RNF216: variants seen among roughly 807,000 people sequenced by gnomAD.
RNF216 encodes ring finger protein 216, also known as E3 ubiquitin-protein ligase RNF216.
RNF216 carries 72 observed loss-of-function variants against 110.8 expected under a neutral mutation model. That is an observed-to-expected ratio of 0.65 (90% CI 0.54 to 0.79). The LOEUF is 0.79. Ranked by LOEUF, RNF216 falls within the 30% of genes least tolerant of loss-of-function variation. The pLI, the probability that RNF216 is intolerant of heterozygous loss-of-function variation, is 0.00. For missense variants in RNF216, 1,342 were observed against 1,141.2 expected, an observed-to-expected ratio of 1.18 and a Z score of -2.54; for synonymous variants, 495 against 407.5, an observed-to-expected ratio of 1.21 and a Z score of -2.59.
chr7:5,748,356 G>A (rs1307921053), intron 3 of RNF216, among the ~76,000 whole-genome samples: 1 of 152,144 alleles, frequency 6.6e-6, no homozygotes, highest in African/African-American at 2.4e-5. Context: ...CCTGAAGTCA[G>A]TAACTCATTA....
At chr7:5,646,043 G>C (rs1028020188) in intron 14 of RNF216, among the ~76,000 whole-genome samples, 2 of 152,184 alleles carry the variant, frequency 1.3e-5, no homozygotes, top group Non-Finnish European at 2.9e-5. Context: ...TGTCCTCAGA[G>C]ATGGTTTCTA....
In RNF216 at chr7:5,696,836, G is replaced by A. The variant is rs1393966767; in HGVS notation, c.2061+14925C>T. 2.0e-5 allele frequency among the ~76,000 whole-genome samples: 3 copies of A among 152,126 alleles called. No homozygotes were observed. The highest frequency in any genetic ancestry group is 4.4e-5 in the Non-Finnish European group (3 of 68,016). ...GTCCCCAGGTTACTAGAAATGACTT[G>A]CCATAGTGACTACATTGGCAAGGTG... On this transcript the variant is annotated intron_variant, in intron 13 of 16. Coordinates refer to ENST00000389902, the MANE Select transcript of RNF216 (RefSeq NM_207111.4). This position sits in a 1 kb window ranked among gnomAD's most constrained non-coding sequence, Gnocchi z 5.4.
chr7:5,699,348 G>A (rs1165100382), intron 13 of RNF216, among the ~76,000 whole-genome samples: 15 of 152,174 alleles, frequency 9.9e-5, no homozygotes, highest in Admixed American at 2.6e-4. Flanking sequence ...CCCTGGATTT[G>A]ACTCCTGATG....
chr7:5,657,503 G>T (rs1218462324), intron 13 of RNF216, among the ~76,000 whole-genome samples: 1 of 152,226 alleles, frequency 6.6e-6, no homozygotes. Context: ...GGAGGTAGTG[G>T]TTGCGGTGAG....
intron 13 of RNF216, among the ~76,000 whole-genome samples, chr7:5,667,952 G>C (rs1230425315): frequency 6.6e-6 from 1 of 152,224 alleles, no homozygotes; most frequent in Non-Finnish European, 1.5e-5. Context: ...AGAAGTGCTG[G>C]TTCCAGGGTA....
At chr7:5,652,300 ACTGGGGT>A in intron 14 of RNF216, 106 bp downstream of exon 14, 1 of 746,636 alleles carries the variant, frequency 1.3e-6, no homozygotes, top group Non-Finnish European at 2.4e-6. Context: ...ATCACTCCAG[ACTGGGGT>A]GGCTCAAGCG....
chr7:5,692,639 C>G (rs980491321), intron 13 of RNF216, among the ~76,000 whole-genome samples: 1 of 152,222 alleles, frequency 6.6e-6, no homozygotes, highest in Non-Finnish European at 1.5e-5. Flanking sequence ...CACCACAAAA[C>G]GCCATCCCTC....
At chr7:5,625,056 C>T (rs1197115375) in intron 15 of RNF216, among the ~76,000 whole-genome samples, 2 of 152,238 alleles carry the variant, frequency 1.3e-5, no homozygotes, top group South Asian at 2.1e-4. Flanking sequence ...TGAAAAAACC[C>T]GCCAAGTGGG....
Position 5,645,972 on chromosome 7 carries a change from C to T in RNF216, c.2160-4596G>A, listed in dbSNP as rs1278899776. ...CTTTAGTTCTTTGCCCATGGTTTCA[C>T]CTGGCTTTCTGAGCATATTTAAGAC... On this transcript the variant is annotated intron_variant, in intron 14 of 16. Transcript: ENST00000389902. Among the ~76,000 whole-genome samples the T allele has an allele frequency of 2.6e-5, 4 of 152,170 alleles. 1 individual carries two copies. In the South Asian group the frequency reaches 8.3e-4, roughly 32 times the overall value.
rs1562761042 is a variant in RNF216, at chr7:5,622,106, G to C, written c.*754C>G. 6.6e-6 allele frequency: 1 copy of C among 152,356 alleles called. No homozygotes were observed. The allele number at this position is 152,356 out of a possible 1,614,324, so 9.4% of individuals were successfully genotyped here. ...GCAGGGCCACCAGGCCTCTGTCCCA[G>C]CTGCCTTAAGAGGCTCTTTCAATGG... is the stretch of plus-strand genomic sequence containing the variant. On this transcript the variant is annotated 3_prime_UTR_variant, in exon 17 of 17. Coordinates refer to ENST00000389902, the MANE Select transcript of RNF216 (RefSeq NM_207111.4).
At chr7:5,655,511 CA>C (rs1788682643) in intron 13 of RNF216, among the ~76,000 whole-genome samples, 1 of 151,974 alleles carries the variant, frequency 6.6e-6, no homozygotes, top group Non-Finnish European at 1.5e-5. Context: ...GAGGCTGAGG[CA>C]GGAGAATTGC....
At position 5,663,586 on chromosome 7, in the gene RNF216, GAA is replaced by G. The variant is rs35905773; in HGVS notation, c.2062-11078_2062-11077del. On this transcript the variant is annotated intron_variant, in intron 13 of 16. Transcript: ENST00000389902. ...GCGACACAGCGAGACTCCACCTCAGGAAAAAAAAAAAAAAAAAAAAAAGTTCA... is the reference window on the plus strand; with the variant it reads ...GCGACACAGCGAGACTCCACCTCAGGAAAAAAAAAAAAAAAAAAAAGTTCA... 1.3e-3 allele frequency among the ~76,000 whole-genome samples: 107 copies of G among 80,100 alleles called. 1 individual carries two copies. The East Asian group carries it at 0.018, about 13-fold the overall frequency. 52.5% of individuals were successfully genotyped at this position (80,100 alleles called of 152,430 possible).
chr7:5,763,631 C>T (rs913968672), intron 1 of RNF216, among the ~76,000 whole-genome samples: 2 of 152,106 alleles, frequency 1.3e-5, no homozygotes, highest in African/African-American at 2.4e-5. Flanking sequence ...AGAGCAGCTA[C>T]ACGATCACGG....
At chr7:5,626,369 G>C (rs1297850853) in intron 15 of RNF216, among the ~76,000 whole-genome samples, 1 of 150,652 alleles carries the variant, frequency 6.6e-6, no homozygotes, top group Non-Finnish European at 1.5e-5. Context: ...GAGCTGGCAA[G>C]CCTCTTCATT....
chr7:5,741,853 C>T, intron 3 of RNF216, 38 bp from the exon 4 acceptor site: 1 of 1,555,566 alleles, frequency 6.4e-7, no homozygotes, highest in Non-Finnish European at 8.6e-7. Context: ...CAATTTCTTT[C>T]CTATGCCTAT....
chr7:5,641,322 G>C lies in RNF216; in HGVS notation c.2214C>G (p.Gly738=). 6.2e-7 allele frequency: 1 copy of C among 1,614,170 alleles called. No homozygotes were observed. Among genetic ancestry groups the C allele is most frequent in the Non-Finnish European group, 8.5e-7 (1 of 1,180,044 alleles). Residue 738 remains glycine (G), a synonymous_variant, in exon 15 of 17, where the codon GGC becomes GGG. Transcript: ENST00000389902. ...RIRKCHKCGT[G]LIKSEGCNRM... ...GGTTGCAGCCTTCAGATTTGATGAG[G>C]CCAGTCCCACACTTGTGGCATTTTC...
chr7:5,759,883 G>C (rs901461653), intron 2 of RNF216, among the ~76,000 whole-genome samples: 1 of 151,802 alleles, frequency 6.6e-6, no homozygotes, highest in Admixed American at 6.6e-5. Context: ...CACCCGCCTC[G>C]GTCTCCCAAA....
intron 15 of RNF216, among the ~76,000 whole-genome samples, chr7:5,627,295 C>G (rs972894728): frequency 6.6e-6 from 1 of 152,232 alleles, no homozygotes; most frequent in African/African-American, 2.4e-5. Flanking sequence ...GCCCCATACA[C>G]AGCAGCCACA....
chr7:5,632,716 G>A (rs1267482013), intron 15 of RNF216, among the ~76,000 whole-genome samples: 2 of 152,082 alleles, frequency 1.3e-5, no homozygotes, highest in Non-Finnish European at 2.9e-5. Context: ...GGCACAGGTT[G>A]CAGTGAGCCA....
Sources: gnomAD v4.1 joint callset for allele counts (sites outside exome capture counted in the v4.1 genomes callset) on GRCh38, gnomAD v4.1.1 for gene constraint, Gnocchi (gnomAD v3.1) non-coding constraint, MANE v1.5 for transcripts, NCBI Gene and HGNC (gene_info 2026-07-23, HGNC 2026-07-21) for gene names.